Variants in PTPRD observed in about 807,000 individuals in gnomAD.
PTPRD encodes receptor-type tyrosine-protein phosphatase delta.
In PTPRD, 34 loss-of-function variants were observed where a neutral mutation model predicts 214.5. The ratio of observed to expected loss-of-function variants is 0.16; its 90% CI spans 0.12 to 0.21. PTPRD has a LOEUF of 0.21. PTPRD is among the 10% of genes least tolerant of loss of function. The pLI, the probability that PTPRD is intolerant of heterozygous loss-of-function variation, is 1.00. For missense variants in PTPRD, 2,545 were observed against 2,398.7 expected (o/e 1.06, Z -1.27); for synonymous variants, 1,128 against 845.7 (o/e 1.33, Z -5.79).
intron 2 of PTPRD, among the ~76,000 whole-genome samples, chr9:10,452,459 A>G (rs2098847747): frequency 6.6e-6 from 1 of 151,610 alleles, no homozygotes; most frequent in Non-Finnish European, 1.5e-5. Flanking sequence ...CAGAGTTCCC[A>G]TTTCTCCACA....
At position 10,612,821 on chromosome 9, in the gene PTPRD, T is replaced by C. The variant is rs1470313757; in HGVS notation, c.-841A>G. Reference sequence around the variant, plus strand: ...AGGGTTGGGGAGGCCGATGAGCGGCTCCCGGCTCCTCGGAGAAGCAGCCGA... The same window carrying C: ...AGGGTTGGGGAGGCCGATGAGCGGCCCCCGGCTCCTCGGAGAAGCAGCCGA... On this transcript the variant is annotated 5_prime_UTR_variant, in exon 1 of 46. Transcript: ENST00000381196. The C allele has an allele frequency of 6.6e-6, 1 of 151,978 alleles. No homozygotes were observed. Among genetic ancestry groups the C allele is most frequent in the Non-Finnish European group, 1.5e-5 (1 of 68,032 alleles). 9.4% of individuals were successfully genotyped at this position (151,978 alleles called of 1,614,324 possible). A position where few individuals can be genotyped will look rare whatever the true frequency, so the allele number is the denominator to read the frequency against.
At chr9:10,518,640 C>G (rs1362271746) in intron 2 of PTPRD, among the ~76,000 whole-genome samples, 3 of 151,996 alleles carry the variant, frequency 2.0e-5, no homozygotes, top group Admixed American at 6.5e-5. Flanking sequence ...TCACGCCATT[C>G]TGCTGCCTCA....
intron 21 of PTPRD, among the ~76,000 whole-genome samples, chr9:8,515,666 G>A (rs559069421): frequency 2.0e-4 from 31 of 152,300 alleles, no homozygotes; most frequent in Non-Finnish European, 3.7e-4. Flanking sequence ...GCTTCTACAT[G>A]TCATGGTACA....
At chr9:10,088,359 C>A (rs764046372) in intron 3 of PTPRD, among the ~76,000 whole-genome samples, 13 of 151,702 alleles carry the variant, frequency 8.6e-5, no homozygotes, top group East Asian at 1.9e-4. Context: ...AGAAACAATT[C>A]TTCAATATAT....
At chr9:9,275,089 ATG>A (rs1944613544) in intron 9 of PTPRD, among the ~76,000 whole-genome samples, 1 of 68,826 alleles carries the variant, frequency 1.5e-5, no homozygotes, top group East Asian at 3.6e-4. Context: ...TATAATATAT[ATG>A]TTATATATAT....
chr9:8,948,044 G>A (rs1462231501), intron 11 of PTPRD, among the ~76,000 whole-genome samples: 2 of 146,942 alleles, frequency 1.4e-5, no homozygotes, highest in East Asian at 2.0e-4. Context: ...TTTTTGAGAC[G>A]GAGTCTCACT....
At chr9:9,486,564 T>C (rs1017195332) in intron 8 of PTPRD, among the ~76,000 whole-genome samples, 3 of 152,178 alleles carry the variant, frequency 2.0e-5, no homozygotes, top group Non-Finnish European at 4.4e-5. Context: ...TTTTCTTTTT[T>C]GTTCTTGCCC....
intron 7 of PTPRD, among the ~76,000 whole-genome samples, chr9:9,575,180 T>C (rs914304232): frequency 3.9e-5 from 6 of 152,196 alleles, no homozygotes; most frequent in Non-Finnish European, 5.9e-5. Flanking sequence ...CACACACAGC[T>C]GTGGCTATCA....
chr9:9,428,543 C>G (rs192580373), intron 8 of PTPRD, among the ~76,000 whole-genome samples: 1 of 152,154 alleles, frequency 6.6e-6, no homozygotes, highest in Non-Finnish European at 1.5e-5. Flanking sequence ...CAGCTCTGCA[C>G]CAAGTGGACT....
At chr9:9,371,463 C>T (rs2059473077) in intron 9 of PTPRD, among the ~76,000 whole-genome samples, 1 of 152,154 alleles carries the variant, frequency 6.6e-6, no homozygotes, top group South Asian at 2.1e-4. Context: ...GTAATATCCC[C>T]TTTATCATTT....
intron 11 of PTPRD, among the ~76,000 whole-genome samples, chr9:8,840,937 C>G (rs2097546028): frequency 6.6e-6 from 1 of 152,152 alleles, no homozygotes; most frequent in Admixed American, 6.5e-5. Context: ...AGGTCAGTGT[C>G]ATGTGTGAAT....
intron 8 of PTPRD, among the ~76,000 whole-genome samples, chr9:9,561,787 T>G (rs148962032): frequency 1.3e-5 from 2 of 152,332 alleles, no homozygotes; most frequent in Non-Finnish European, 2.9e-5. Flanking sequence ...ATACTTTTCT[T>G]TCTCTTTCTA....
intron 7 of PTPRD, among the ~76,000 whole-genome samples, chr9:9,616,789 T>C (rs1304197576): frequency 1.3e-5 from 2 of 151,636 alleles, no homozygotes; most frequent in African/African-American, 4.9e-5. Context: ...CTCTCAGGGC[T>C]GCTCTGCCTA....
intron 4 of PTPRD, among the ~76,000 whole-genome samples, chr9:9,946,273 C>A (rs985485847): frequency 1.3e-5 from 2 of 152,050 alleles, no homozygotes; most frequent in Non-Finnish European, 2.9e-5. Context: ...AGGTGGTACT[C>A]AATACTTGCT....
chr9:10,048,432 A>C (rs2097449290), intron 3 of PTPRD, among the ~76,000 whole-genome samples: 1 of 151,970 alleles, frequency 6.6e-6, no homozygotes, highest in Non-Finnish European at 1.5e-5. Flanking sequence ...TTCTTATATA[A>C]TCTTTGACCT....
intron 4 of PTPRD, among the ~76,000 whole-genome samples, chr9:9,981,612 G>A (rs1343746865): frequency 6.6e-6 from 1 of 151,766 alleles, no homozygotes; most frequent in African/African-American, 2.4e-5. Context: ...TGCCTGCCTC[G>A]GCCTCCCAAA....
At chr9:10,027,979 C>T (rs1236920943) in intron 4 of PTPRD, among the ~76,000 whole-genome samples, 1 of 152,016 alleles carries the variant, frequency 6.6e-6, no homozygotes, top group African/African-American at 2.4e-5. Context: ...TAATATCTCC[C>T]ACCTGTCCAT....
Position 9,293,427 on chromosome 9 carries a change from AT to A in PTPRD, c.-203+104021del, listed in dbSNP as rs375577693. ...CATTTTGTTTCTTTTATGTCCTTAAATTTTTACACTACAAGCTGTCCCAGGC... is the reference window on the plus strand; with the variant it reads ...CATTTTGTTTCTTTTATGTCCTTAAATTTTACACTACAAGCTGTCCCAGGC... On this transcript the variant is annotated intron_variant, in intron 9 of 45. Coordinates refer to ENST00000381196, the MANE Select transcript of PTPRD (RefSeq NM_002839.4). Among the ~76,000 whole-genome samples, 48 of 147,954 alleles carry A rather than the reference AT, an allele frequency of 3.2e-4. 1 individual carries two copies. The East Asian group carries it at 7.4e-3, about 23-fold the overall frequency.
chr9:8,885,647 C>T (rs2098481264), intron 11 of PTPRD, among the ~76,000 whole-genome samples: 1 of 151,836 alleles, frequency 6.6e-6, no homozygotes, highest in South Asian at 2.1e-4. Context: ...TGGGTGCCTG[C>T]CACCACACCC....
Sources: allele counts gnomAD v4.1 joint callset (sites outside exome capture counted in the v4.1 genomes callset), GRCh38; gene constraint gnomAD v4.1.1; transcripts MANE v1.5; gene names NCBI Gene and HGNC (gene_info 2026-07-23, HGNC 2026-07-21).